The following IMMP2L variants were observed in gnomAD, a reference collection of about 807,000 sequenced individuals.
The protein encoded by IMMP2L is mitochondrial inner membrane protease subunit 2.
In IMMP2L, 18 loss-of-function variants were observed where a neutral mutation model predicts 19.3. The observed-to-expected ratio is 0.93, with a 90% CI of 0.64 to 1.38. IMMP2L has a LOEUF of 1.38. IMMP2L is among the 40% of genes most tolerant of loss of function. IMMP2L has a pLI of 0.00. For missense variants in IMMP2L, 233 were observed against 218.2 expected, an observed-to-expected ratio of 1.07 and a Z score of -0.43; for synonymous variants, 76 against 73.0, an observed-to-expected ratio of 1.04 and a Z score of -0.21.
rs1033116708 is a variant in IMMP2L at position 110,728,634 on chromosome 7, C to G, written c.409-64913G>C. 6.6e-6 allele frequency among the ~76,000 whole-genome samples: 1 copy of G among 152,156 alleles called. No homozygotes were observed. On this transcript the variant is annotated intron_variant, in intron 5 of 5. Transcript: ENST00000405709. This position sits in a 1 kb window ranked among gnomAD's most constrained non-coding sequence, Gnocchi z 4.6. Reference sequence around the variant, plus strand: ...AATCACCTCCTAACTACTTTCAAACCAACAAACCCAAATATTGCCACTGAT... The same window carrying G: ...AATCACCTCCTAACTACTTTCAAACGAACAAACCCAAATATTGCCACTGAT...
chr7:111,408,303 G>C (rs1396374672), intron 3 of IMMP2L, among the ~76,000 whole-genome samples: 1 of 151,562 alleles, frequency 6.6e-6, no homozygotes, highest in Admixed American at 6.6e-5. Flanking sequence ...AGACAGCTTG[G>C]CCAGTACTTG....
chr7:110,933,639 T>C (rs893672526), intron 4 of IMMP2L, among the ~76,000 whole-genome samples: 2 of 152,226 alleles, frequency 1.3e-5, no homozygotes, highest in African/African-American at 4.8e-5. Flanking sequence ...CCAGGCTGTA[T>C]AGGCTGTTGG....
intron 5 of IMMP2L, among the ~76,000 whole-genome samples, chr7:110,833,625 T>G (rs1157443136): frequency 6.6e-6 from 1 of 152,124 alleles, no homozygotes; most frequent in Non-Finnish European, 1.5e-5. Context: ...AGTTCAATAT[T>G]AGAAGACGAT....
At chr7:111,376,515 A>G (rs1830689449) in intron 3 of IMMP2L, among the ~76,000 whole-genome samples, 1 of 152,162 alleles carries the variant, frequency 6.6e-6, no homozygotes, top group Non-Finnish European at 1.5e-5. Flanking sequence ...GCTTAAACAC[A>G]GAGTTACCAT....
At chr7:111,295,439 T>C (rs567914562) in intron 3 of IMMP2L, among the ~76,000 whole-genome samples, 55 of 152,012 alleles carry the variant, frequency 3.6e-4, no homozygotes, top group African/African-American at 1.3e-3. Context: ...TACTCATAGT[T>C]TAGACACAAG....
intron 3 of IMMP2L, among the ~76,000 whole-genome samples, chr7:111,162,266 A>C (rs1364275391): frequency 6.6e-6 from 1 of 152,138 alleles, no homozygotes; most frequent in Non-Finnish European, 1.5e-5. Context: ...TGTCCAAGAC[A>C]TGAAATTTAA....
chr7:111,537,562 G>T (rs1318946652), intron 1 of IMMP2L, among the ~76,000 whole-genome samples: 6 of 121,860 alleles, frequency 4.9e-5, no homozygotes, highest in African/African-American at 2.0e-4. Flanking sequence ...TTGAGACAGG[G>T]TCTCACTCTG....
At chr7:111,307,184 T>G (rs1822978036) in intron 3 of IMMP2L, among the ~76,000 whole-genome samples, 1 of 151,632 alleles carries the variant, frequency 6.6e-6, no homozygotes, top group Non-Finnish European at 1.5e-5. Context: ...TAAAAAATAT[T>G]TTATTGATAT....
intron 5 of IMMP2L, among the ~76,000 whole-genome samples, chr7:110,735,039 C>T (rs2008117): frequency 0.33 from 49,951 of 151,954 alleles, 9,976 homozygotes; most frequent in East Asian, 0.69. Flanking sequence ...GCATAAATTC[C>T]ACATGTGATA....
chr7:111,006,883 C>A (rs560227080), intron 3 of IMMP2L, among the ~76,000 whole-genome samples: 1 of 152,284 alleles, frequency 6.6e-6, no homozygotes, highest in East Asian at 1.9e-4. Context: ...CTGAATCATT[C>A]ACATATATTC....
chr7:111,032,603 C>G (rs1790938975), intron 3 of IMMP2L, among the ~76,000 whole-genome samples: 1 of 152,110 alleles, frequency 6.6e-6, no homozygotes, highest in African/African-American at 2.4e-5. Context: ...GGGCAGATCA[C>G]TTGAAGTCAG....
intron 3 of IMMP2L, among the ~76,000 whole-genome samples, chr7:111,481,529 G>C (rs113245700): frequency 0.021 from 3,168 of 151,962 alleles, 111 homozygotes; most frequent in African/African-American, 0.072. Context: ...AAATAAAAGT[G>C]AAGTTAGAAC....
chr7:110,891,624 T>C (rs749329735), intron 4 of IMMP2L, among the ~76,000 whole-genome samples: 25 of 152,320 alleles, frequency 1.6e-4, no homozygotes, highest in Non-Finnish European at 2.5e-4. Context: ...ATACATGCTA[T>C]ATTTAAATAT....
chr7:111,021,169 T>C (rs1826236441), intron 3 of IMMP2L, among the ~76,000 whole-genome samples: 1 of 152,178 alleles, frequency 6.6e-6, no homozygotes, highest in South Asian at 2.1e-4. Flanking sequence ...AGGAAACTCC[T>C]AAAAAAGAGA....
intron 3 of IMMP2L, among the ~76,000 whole-genome samples, chr7:111,168,576 T>C (rs529944661): frequency 6.6e-6 from 1 of 151,948 alleles, no homozygotes; most frequent in Non-Finnish European, 1.5e-5. Context: ...TTTGCTTTTT[T>C]ACCCCTGCCT....
chr7:111,178,163 T>A (rs1807288646), intron 3 of IMMP2L, among the ~76,000 whole-genome samples: 1 of 152,054 alleles, frequency 6.6e-6, no homozygotes, highest in South Asian at 2.1e-4. Flanking sequence ...ATAAAATTAA[T>A]ACAGCAATAA....
intron 5 of IMMP2L, among the ~76,000 whole-genome samples, chr7:110,819,663 C>T (rs974396144): frequency 6.6e-6 from 1 of 151,890 alleles, no homozygotes; most frequent in Admixed American, 6.6e-5. Context: ...AAATTAGGCC[C>T]CAATGATTTT....
chr7:110,975,158 TATAAC>T (rs1820561167), intron 3 of IMMP2L, among the ~76,000 whole-genome samples: 2 of 152,096 alleles, frequency 1.3e-5, no homozygotes, highest in African/African-American at 4.8e-5. Flanking sequence ...AAAACAGATA[TATAAC>T]ATGAGTTTAA....
At chr7:111,066,686 G>A (rs1055406241) in intron 3 of IMMP2L, among the ~76,000 whole-genome samples, 9 of 152,170 alleles carry the variant, frequency 5.9e-5, no homozygotes, top group African/African-American at 2.2e-4. Context: ...CCTTCCCCCA[G>A]ATGGGATCTG....
Sources: gnomAD v4.1 joint callset for allele counts (sites outside exome capture counted in the v4.1 genomes callset) on GRCh38, gnomAD v4.1.1 for gene constraint, Gnocchi (gnomAD v3.1) non-coding constraint, MANE v1.5 for transcripts, NCBI Gene and HGNC (gene_info 2026-07-23, HGNC 2026-07-21) for gene names.